FARS2: variants seen among roughly 807,000 people sequenced by gnomAD.
FARS2 encodes phenylalanine--tRNA ligase, mitochondrial.
A neutral mutation model predicts 46.4 loss-of-function variants in FARS2; 40 were observed. The ratio of observed to expected loss-of-function variants is 0.86; its 90% CI spans 0.67 to 1.12. The LOEUF (loss-of-function observed/expected upper bound fraction) is 1.12. Among genes scored for constraint, FARS2 ranks in the 50% most tolerant of loss-of-function variants. FARS2 has a pLI of 0.00. For missense variants in FARS2, 513 were observed against 567.9 expected (o/e 0.90, Z 0.98); for synonymous variants, 234 against 214.9 (o/e 1.09, Z -0.78).
rs116467665 is a variant in FARS2, at chr6:5,749,949, G to A, written c.1218-21342G>A. ...GGGAGGCTGAGGATATTGGGCCTGC[G>A]GGGAGTTACACGCATTCCACCCAGT... On this transcript the variant is annotated intron_variant, in intron 6 of 6. Transcript: ENST00000274680. Among the ~76,000 whole-genome samples, 344 of 152,268 alleles carry A rather than the reference G, an allele frequency of 2.3e-3. 1 individual carries two copies. Among genetic ancestry groups the A allele is most frequent in the African/African-American group, 7.6e-3 (317 of 41,562 alleles).
intron 3 of FARS2, among the ~76,000 whole-genome samples, chr6:5,408,477 A>T: frequency 6.6e-6 from 1 of 152,226 alleles, no homozygotes; most frequent in African/African-American, 2.4e-5. Flanking sequence ...GTAGACTCTT[A>T]TGACCATGGA....
intron 1 of FARS2, among the ~76,000 whole-genome samples, chr6:5,273,672 C>T (rs1407715413): frequency 6.6e-6 from 1 of 152,074 alleles, no homozygotes; most frequent in African/African-American, 2.4e-5. Flanking sequence ...AGCGTTTTTG[C>T]TTGATGTAAT....
chr6:5,267,751 C>CAA (rs71540859), intron 1 of FARS2, among the ~76,000 whole-genome samples: 28 of 109,330 alleles, frequency 2.6e-4, no homozygotes, highest in Non-Finnish European at 4.6e-4. Context: ...GAGACTGTCT[C>CAA]AAAAAAAAAA....
chr6:5,274,181 A>G (rs1049064894), intron 1 of FARS2, among the ~76,000 whole-genome samples: 2 of 152,212 alleles, frequency 1.3e-5, no homozygotes, highest in Admixed American at 1.3e-4. Flanking sequence ...TTATTGAGTG[A>G]CTTTGGCAGA....
chr6:5,283,523 TG>T (rs1766897154), intron 1 of FARS2, among the ~76,000 whole-genome samples: 1 of 140,034 alleles, frequency 7.1e-6, no homozygotes, highest in Non-Finnish European at 1.5e-5. Flanking sequence ...CACTCCAGCC[TG>T]GGCAACAGAG....
At chr6:5,263,976 T>G (rs7758400) in intron 1 of FARS2, among the ~76,000 whole-genome samples, 1 of 151,976 alleles carries the variant, frequency 6.6e-6, no homozygotes, top group African/African-American at 2.4e-5. Flanking sequence ...CTTTGGGAGG[T>G]TGAGGCAGGT....
intron 5 of FARS2, among the ~76,000 whole-genome samples, chr6:5,604,383 C>A (rs182748142): frequency 3.9e-5 from 6 of 152,144 alleles, no homozygotes; most frequent in South Asian, 4.1e-4. Flanking sequence ...GTTTCCCCCC[C>A]AGAAAGCAAA....
At chr6:5,384,994 T>C (rs1010023573) in intron 2 of FARS2, among the ~76,000 whole-genome samples, 1 of 152,194 alleles carries the variant, frequency 6.6e-6, no homozygotes, top group African/African-American at 2.4e-5. Context: ...TGTGCTCATC[T>C]CTGTAACTTG....
At chr6:5,517,163 A>G (rs138226102) in intron 4 of FARS2, among the ~76,000 whole-genome samples, 2 of 152,302 alleles carry the variant, frequency 1.3e-5, no homozygotes, top group Non-Finnish European at 2.9e-5. Context: ...AAGTTTGGAA[A>G]AAAGAACAAA....
intron 4 of FARS2, among the ~76,000 whole-genome samples, chr6:5,495,817 T>C (rs953041205): frequency 5.3e-5 from 8 of 152,236 alleles, no homozygotes; most frequent in African/African-American, 1.9e-4. Flanking sequence ...GACTGGTATT[T>C]AAATTCTCAT....
chr6:5,432,661 C>T (rs1763294425), intron 4 of FARS2, among the ~76,000 whole-genome samples: 1 of 150,592 alleles, frequency 6.6e-6, no homozygotes. Context: ...GGAAACCTTT[C>T]CGGCTCTGCT....
At chr6:5,665,026 A>C (rs1469562770) in intron 6 of FARS2, 1 of 152,184 alleles carries the variant, frequency 6.6e-6, no homozygotes, top group Non-Finnish European at 1.5e-5. Flanking sequence ...TTCAGGGCAA[A>C]ACAAAGACCA....
chr6:5,467,679 T>G (rs1382592440), intron 4 of FARS2, among the ~76,000 whole-genome samples: 2 of 152,204 alleles, frequency 1.3e-5, no homozygotes, highest in Middle Eastern at 3.2e-3. Flanking sequence ...TTGATGATGA[T>G]AATGATAGTC....
At chr6:5,295,782 A>C (rs1474235782) in intron 1 of FARS2, among the ~76,000 whole-genome samples, 1 of 152,112 alleles carries the variant, frequency 6.6e-6, no homozygotes, top group Non-Finnish European at 1.5e-5. Flanking sequence ...TTGCAGTGGG[A>C]GTTTTCTCTA....
At chr6:5,673,111 A>G (rs6932395) in intron 6 of FARS2, among the ~76,000 whole-genome samples, 3,527 of 152,310 alleles carry the variant, frequency 0.023, 149 homozygotes, top group African/African-American at 0.081. Context: ...TGTGCTTCCC[A>G]TTGAGGAAAG....
chr6:5,728,323 A>G (rs1246237408), intron 6 of FARS2, among the ~76,000 whole-genome samples: 1 of 152,182 alleles, frequency 6.6e-6, no homozygotes, highest in African/African-American at 2.4e-5. Flanking sequence ...GCTTTCACTC[A>G]GTGACATTTG....
At chr6:5,279,952 GCAC>G (rs1344614425) in intron 1 of FARS2, among the ~76,000 whole-genome samples, 1 of 152,192 alleles carries the variant, frequency 6.6e-6, no homozygotes, top group Non-Finnish European at 1.5e-5. Flanking sequence ...AAATATCTGG[GCAC>G]CCCAAGGCCC....
At chr6:5,705,641 C>G (rs558730280) in intron 6 of FARS2, among the ~76,000 whole-genome samples, 39 of 152,336 alleles carry the variant, frequency 2.6e-4, no homozygotes, top group African/African-American at 8.9e-4. Context: ...CTGTGGCTCA[C>G]TGCCCTTTTG....
At chr6:5,253,070 TG>T in the FARS2 span, among the ~76,000 whole-genome samples, 2 of 152,352 alleles carry the variant, frequency 1.3e-5, no homozygotes, top group South Asian at 4.1e-4. Context: ...GAGCTTGTAA[TG>T]TTTTACCCTT....
Sources: gnomAD v4.1 joint callset for allele counts (sites outside exome capture counted in the v4.1 genomes callset) on GRCh38, gnomAD v4.1.1 for gene constraint, MANE v1.5 for transcripts, NCBI Gene and HGNC (gene_info 2026-07-23, HGNC 2026-07-21) for gene names.